The following PCDHGA1 variants were observed in gnomAD, a reference collection of about 807,000 sequenced individuals.
PCDHGA1 encodes protocadherin gamma subfamily A, 1, also known as protocadherin gamma-A1.
Under a neutral mutation model 58.0 loss-of-function variants are expected in PCDHGA1, and 32 were observed. The observed-to-expected ratio is 0.55, with a 90% CI of 0.42 to 0.74. The LOEUF (loss-of-function observed/expected upper bound fraction) is 0.74. Ranked by LOEUF, PCDHGA1 falls within the 30% of genes least tolerant of loss-of-function variation. The probability of loss-of-function intolerance (pLI) is 0.00; values close to 1 mark genes in which losing one functional copy is unlikely to be tolerated. For missense variants in PCDHGA1, 1,205 were observed against 1,182.3 expected (o/e 1.02, Z -0.28); for synonymous variants, 498 against 501.1 (o/e 0.99, Z 0.08).
intron 1 of PCDHGA1, chr5:141,361,044 A>G: frequency 6.2e-7 from 1 of 1,613,658 alleles, no homozygotes; most frequent in South Asian, 1.1e-5. Flanking sequence ...AAATCACGAC[A>G]AAGGATGATT....
chr5:141,433,623 G>A (rs2097635547), intron 1 of PCDHGA1, among the ~76,000 whole-genome samples: 1 of 152,070 alleles, frequency 6.6e-6, no homozygotes, highest in African/African-American at 2.4e-5. Flanking sequence ...ATCACCTGAG[G>A]TTGGGAGTTT....
chr5:141,503,400 A>C (rs2099819725), intron 2 of PCDHGA1, among the ~76,000 whole-genome samples: 1 of 151,750 alleles, frequency 6.6e-6, no homozygotes, highest in Non-Finnish European at 1.5e-5. Context: ...TTCGAAACCA[A>C]CCTGGCCAAT....
intron 1 of PCDHGA1, chr5:141,370,971 G>C: frequency 1.2e-6 from 2 of 1,614,016 alleles, no homozygotes; most frequent in Non-Finnish European, 1.7e-6. Flanking sequence ...TAGGTACCCA[G>C]AGCTAGTACT....
chr5:141,446,692 G>T (rs543476108), intron 1 of PCDHGA1, among the ~76,000 whole-genome samples: 2 of 152,280 alleles, frequency 1.3e-5, no homozygotes, highest in African/African-American at 4.8e-5. Context: ...TGGCCAGGCT[G>T]GTCTCGAACT....
intron 1 of PCDHGA1, among the ~76,000 whole-genome samples, chr5:141,469,852 C>T (rs529924249): frequency 1.3e-4 from 20 of 152,054 alleles, no homozygotes; most frequent in African/African-American, 4.8e-4. Flanking sequence ...AGATTCAGAC[C>T]GGGTGCAATG....
intron 1 of PCDHGA1, among the ~76,000 whole-genome samples, chr5:141,446,746 C>T (rs1413869259): frequency 6.6e-6 from 1 of 152,170 alleles, no homozygotes; most frequent in Non-Finnish European, 1.5e-5. Context: ...GGATTACAGG[C>T]GTGAGCCACC....
intron 1 of PCDHGA1, chr5:141,393,027 A>C (rs868285753): frequency 1.2e-6 from 2 of 1,613,818 alleles, no homozygotes; most frequent in Non-Finnish European, 1.7e-6. Flanking sequence ...CAGAGGTAGG[A>C]CGCAGCTCTT....
Position 141,489,585 on chromosome 5 carries a change from G to C in PCDHGA1, c.2422-5222G>C. The C allele has an allele frequency of 6.2e-7, 1 of 1,614,090 alleles. No individual in the cohort carries two copies. On this transcript the variant is annotated intron_variant, in intron 1 of 3. Transcript: ENST00000517417. This position sits in a 1 kb window ranked among gnomAD's most constrained non-coding sequence, Gnocchi z 4.5. ...AGGTGGTGACTGAACACCCCCTGGA[G>C]CTAATCCGTGTAGAGGTAGAGATCC...
chr5:141,370,786 C>T (rs1378558214), intron 1 of PCDHGA1: 1 of 1,613,972 alleles, frequency 6.2e-7, no homozygotes, highest in East Asian at 2.2e-5. Flanking sequence ...GACAACCCAC[C>T]GACCTTTAGC....
intron 1 of PCDHGA1, chr5:141,419,926 G>T: frequency 6.2e-7 from 1 of 1,614,096 alleles, no homozygotes; most frequent in South Asian, 1.1e-5. Flanking sequence ...CTGAGATGCA[G>T]TTTTACCTGG....
At chr5:141,426,919 C>T (rs1220443930) in intron 1 of PCDHGA1, 1 of 456,620 alleles carries the variant, frequency 2.2e-6, no homozygotes, top group African/African-American at 2.0e-5. Flanking sequence ...GTCCTGGAAG[C>T]AATGGACATG....
intron 1 of PCDHGA1, chr5:141,392,672 T>C (rs1375291090): frequency 4.5e-6 from 4 of 880,364 alleles, no homozygotes; most frequent in Non-Finnish European, 6.7e-6. Flanking sequence ...AACTAACTGC[T>C]GGACTGCAGC....
rs182346627 is a variant in PCDHGA1, at chr5:141,351,840, C to T, written c.2421+18735C>T. ...GAGCAGCTGCGCGCCTTCGAGCTCA[C>T]ACTGCAGGCCAGGGACCAGGGCTCC... On this transcript the variant is annotated intron_variant, in intron 1 of 3. Coordinates refer to ENST00000517417, the MANE Select transcript of PCDHGA1 (RefSeq NM_018912.3). The T allele has an allele frequency of 2.6e-4, 415 of 1,613,240 alleles. 3 individuals are homozygous for T. In the African/African-American group the frequency reaches 4.6e-3, roughly 18 times the overall value.
intron 1 of PCDHGA1, chr5:141,355,286 A>G (rs1466642176): frequency 6.2e-7 from 1 of 1,613,786 alleles, no homozygotes; most frequent in Admixed American, 1.7e-5. Context: ...ATCAGGGCCG[A>G]ACAGATTCTC....
At chr5:141,403,743 C>A (rs1165597254) in intron 1 of PCDHGA1, 1 of 1,613,856 alleles carries the variant, frequency 6.2e-7, no homozygotes, top group Non-Finnish European at 8.5e-7. Context: ...CTGCTTACTG[C>A]AACAGCCAGC....
At chr5:141,455,449 G>A (rs1421095381) in intron 1 of PCDHGA1, among the ~76,000 whole-genome samples, 1 of 152,126 alleles carries the variant, frequency 6.6e-6, no homozygotes, top group Non-Finnish European at 1.5e-5. Flanking sequence ...CATCTACCGC[G>A]GATACCAGCC....
At chr5:141,421,875 A>C (rs1345376105) in intron 1 of PCDHGA1, 2 of 1,613,648 alleles carry the variant, frequency 1.2e-6, no homozygotes, top group South Asian at 2.2e-5. Flanking sequence ...TCACAGCTTT[A>C]GATGGAGGCG....
chr5:141,437,037 A>G (rs1410732155), intron 1 of PCDHGA1, among the ~76,000 whole-genome samples: 2 of 152,264 alleles, frequency 1.3e-5, no homozygotes, highest in Admixed American at 1.3e-4. Flanking sequence ...TGGATCACCG[A>G]AACCAGAAGG....
chr5:141,380,568 A>T (rs1449370426), intron 1 of PCDHGA1, among the ~76,000 whole-genome samples: 1 of 152,214 alleles, frequency 6.6e-6, no homozygotes, highest in Admixed American at 6.5e-5. Context: ...TTTATTAAAC[A>T]TATCTTGGCG....
Sources: gnomAD v4.1 joint callset for allele counts (sites outside exome capture counted in the v4.1 genomes callset) on GRCh38, gnomAD v4.1.1 for gene constraint, Gnocchi (gnomAD v3.1) non-coding constraint, MANE v1.5 for transcripts, NCBI Gene and HGNC (gene_info 2026-07-23, HGNC 2026-07-21) for gene names.